Variants in CPM observed in about 807,000 individuals in gnomAD.
CPM encodes renal carboxypeptidase.
Under a neutral mutation model 46.4 loss-of-function variants are expected in CPM, and 35 were observed. That is an observed-to-expected ratio of 0.75 (90% confidence interval 0.58 to 1.00). The LOEUF (loss-of-function observed/expected upper bound fraction) is 1.00. CPM is among the 50% of genes least tolerant of loss of function. CPM has a pLI of 0.00. For missense variants in CPM, 422 were observed against 530.4 expected, an observed-to-expected ratio of 0.80 and a Z score of 2.01; for synonymous variants, 195 against 195.3, an observed-to-expected ratio of 1.00 and a Z score of 0.01.
chr12:68,865,214 A>G (rs991903969), intron 7 of CPM, among the ~76,000 whole-genome samples: 5 of 152,210 alleles, frequency 3.3e-5, no homozygotes, highest in Non-Finnish European at 7.3e-5. Flanking sequence ...GAAAGTCCCA[A>G]TAATAAGTTT....
At chr12:68,871,455 G>T (rs1424752808) in intron 4 of CPM, among the ~76,000 whole-genome samples, 6 of 152,158 alleles carry the variant, frequency 3.9e-5, no homozygotes, top group African/African-American at 1.4e-4. Context: ...TTTAGGCAGG[G>T]AAACGGTGTG....
chr12:68,884,178 A>G (rs1886332562), intron 3 of CPM, among the ~76,000 whole-genome samples: 2 of 151,182 alleles, frequency 1.3e-5, no homozygotes, highest in South Asian at 4.2e-4. Flanking sequence ...AATAGACAAG[A>G]TAGCAAAAGG....
chr12:68,961,905 A>AG (rs1889120146), intron 1 of CPM, among the ~76,000 whole-genome samples: 1 of 151,934 alleles, frequency 6.6e-6, no homozygotes, highest in African/African-American at 2.4e-5. Context: ...GTTTTAAAAA[A>AG]CTGTGGTAAT....
chr12:68,870,063 AG>A (rs1885623269), intron 5 of CPM, 151 bp downstream of exon 5: 1 of 726,172 alleles, frequency 1.4e-6, no homozygotes, highest in South Asian at 2.2e-5. Context: ...GAAGAATCAC[AG>A]GAAGGATGGC....
intron 2 of CPM, among the ~76,000 whole-genome samples, chr12:68,919,313 T>C (rs1340599717): frequency 1.3e-5 from 2 of 152,228 alleles, no homozygotes; most frequent in Non-Finnish European, 2.9e-5. Context: ...CACTCTCCAT[T>C]ATACTAAACT....
downstream of CPM, chr12:68,848,629 C>T (rs1732962336): frequency 1.3e-5 from 2 of 152,136 alleles, no homozygotes; most frequent in Non-Finnish European, 1.5e-5. Flanking sequence ...TTGCTCCCTA[C>T]AAAAAAGGCC....
chr12:68,874,610 C>T (rs765367528), intron 3 of CPM, among the ~76,000 whole-genome samples: 10 of 151,196 alleles, frequency 6.6e-5, no homozygotes, highest in Middle Eastern at 6.8e-3. Context: ...CACACCATCT[C>T]GAAAAAAAAC....
intron 1 of CPM, 151 bp from the exon 2 acceptor site, chr12:68,932,991 G>A: frequency 1.6e-6 from 1 of 644,000 alleles, no homozygotes; most frequent in Non-Finnish European, 2.6e-6. Flanking sequence ...AACACCTTCG[G>A]GAGTGAGCCG....
At chr12:68,954,438 C>G (rs1456116123) in intron 1 of CPM, among the ~76,000 whole-genome samples, 1 of 152,202 alleles carries the variant, frequency 6.6e-6, no homozygotes, top group South Asian at 2.1e-4. Context: ...TGAAGCACTA[C>G]CCTCTCTTGG....
chr12:68,879,941 T>C (rs1886114693), intron 3 of CPM, among the ~76,000 whole-genome samples: 1 of 152,040 alleles, frequency 6.6e-6, no homozygotes, highest in Non-Finnish European at 1.5e-5. Context: ...GCTCTGATTT[T>C]AGAGTATTGG....
Position 68,856,591 on chromosome 12 carries a change from A to G in CPM, c.1178T>C (p.Leu393Pro), listed in dbSNP as rs1458984670. 49 of 1,614,122 alleles carry G rather than the reference A, an allele frequency of 3.0e-5. No individual in the cohort carries two copies. Among genetic ancestry groups the G allele is most frequent in the Non-Finnish European group, 4.0e-5 (47 of 1,180,024 alleles). The stretch of plus-strand genomic sequence containing the variant: ...ATCCAATTGCCCTTGGAATGGAAGT[A>G]GAATATCCTTTTTAAGAGCACTGAA... ...QNFSALKKDI[L>P]LPFQGQLDSI... is the part of the protein sequence containing the mutation. The change falls in exon 9 of 9, where the codon CTA becomes CCA. Residue 393 changes from leucine (L) to proline (P), a missense_variant. Physicochemically the swap from Leu to Pro is moderately conservative, Grantham distance 98 (BLOSUM62 -3). Coordinates refer to ENST00000551568, the MANE Select transcript of CPM (RefSeq NM_198320.5).
intron 1 of CPM, among the ~76,000 whole-genome samples, chr12:68,945,846 CTTTTTTTTT>C (rs1170064808): frequency 2.3e-5 from 2 of 88,460 alleles, no homozygotes; most frequent in Admixed American, 1.4e-4. Context: ...TTCTTTCTTT[CTTTTTTTTT>C]TTTTTTTTTT....
At chr12:68,864,562 T>C (rs1208693745) in intron 7 of CPM, among the ~76,000 whole-genome samples, 1 of 152,262 alleles carries the variant, frequency 6.6e-6, no homozygotes, top group Non-Finnish European at 1.5e-5. Context: ...TACATCAACA[T>C]GATACTTCAA....
intron 2 of CPM, among the ~76,000 whole-genome samples, chr12:68,911,009 G>T (rs936699612): frequency 1.3e-5 from 2 of 152,088 alleles, no homozygotes; most frequent in Admixed American, 6.6e-5. Flanking sequence ...CATTCACATT[G>T]TCGAGTATAT....
intron 2 of CPM, among the ~76,000 whole-genome samples, chr12:68,914,958 A>G: frequency 6.6e-6 from 1 of 152,198 alleles, no homozygotes; most frequent in East Asian, 1.9e-4. Context: ...AGGTGTCAGG[A>G]TTTAAAATAA....
At chr12:68,892,120 G>C (rs1341564501) in intron 2 of CPM, among the ~76,000 whole-genome samples, 2 of 152,162 alleles carry the variant, frequency 1.3e-5, no homozygotes, top group African/African-American at 4.8e-5. Flanking sequence ...GACAAGACTG[G>C]GTAGTCTATC....
chr12:68,951,644 A>C (rs1888936773), intron 1 of CPM, among the ~76,000 whole-genome samples: 1 of 152,186 alleles, frequency 6.6e-6, no homozygotes, highest in Admixed American at 6.5e-5. Flanking sequence ...TGCAGATGCC[A>C]AGTGCTGGCC....
At chr12:68,946,112 G>A (rs547374657) in intron 1 of CPM, among the ~76,000 whole-genome samples, 16 of 151,876 alleles carry the variant, frequency 1.1e-4, no homozygotes, top group Admixed American at 7.2e-4. Flanking sequence ...CTCCTGCCTC[G>A]GCCTCTCAAA....
At chr12:68,895,531 A>G (rs1484844566) in intron 2 of CPM, among the ~76,000 whole-genome samples, 2 of 152,220 alleles carry the variant, frequency 1.3e-5, no homozygotes, top group Non-Finnish European at 2.9e-5. Context: ...AGCCCTTTTC[A>G]TATGACACTG....
Sources: allele counts gnomAD v4.1 joint callset (sites outside exome capture counted in the v4.1 genomes callset), GRCh38; gene constraint gnomAD v4.1.1; transcripts MANE v1.5; gene names NCBI Gene and HGNC (gene_info 2026-07-23, HGNC 2026-07-21).